SRPK1: variants seen among roughly 807,000 people sequenced by gnomAD.
The protein encoded by SRPK1 is SRSF protein kinase 1, also known as SFRS protein kinase 1.
Under a neutral mutation model 89.5 loss-of-function variants are expected in SRPK1, and 52 were observed. The observed-to-expected ratio is 0.58, with a 90% CI of 0.46 to 0.73. The LOEUF is 0.73. Ranked by LOEUF, SRPK1 falls within the 30% of genes least tolerant of loss-of-function variation. SRPK1 has a pLI of 0.00. For synonymous variants in SRPK1, 255 were observed against 270.2 expected, an observed-to-expected ratio of 0.94 and a Z score of 0.55; for missense variants, 603 against 780.6, an observed-to-expected ratio of 0.77 and a Z score of 2.71.
rs572561366 is a variant in SRPK1, at chr6:35,892,608, C to T, written c.75-1595G>A. Among the ~76,000 whole-genome samples, 8 of 151,830 alleles carry T rather than the reference C, an allele frequency of 5.3e-5. No homozygotes were observed. In the East Asian group the frequency reaches 1.2e-3, roughly 22 times the overall value. The stretch of plus-strand genomic sequence containing the variant: ...CAAAGGTTACAGTGAGCCGAAATCG[C>T]GTCGTTGCACTCCACCCTGGGCAAC... On this transcript the variant is annotated intron_variant, in intron 2 of 15. Coordinates refer to ENST00000373825, the MANE Select transcript of SRPK1 (RefSeq NM_003137.5).
intron 2 of SRPK1, among the ~76,000 whole-genome samples, chr6:35,915,921 G>A (rs918903230): frequency 8.4e-5 from 12 of 142,672 alleles, no homozygotes; most frequent in Non-Finnish European, 1.5e-4. Context: ...GCAGAGAGCC[G>A]AGATTGCACC....
intron 2 of SRPK1, among the ~76,000 whole-genome samples, chr6:35,894,945 AG>A (rs996036744): frequency 1.3e-5 from 2 of 152,188 alleles, no homozygotes; most frequent in Admixed American, 6.5e-5. Flanking sequence ...AGAGCCAAAA[AG>A]GAAGTTCCAA....
At chr6:35,843,115 C>T (rs1038572901) in intron 13 of SRPK1, among the ~76,000 whole-genome samples, 5 of 151,306 alleles carry the variant, frequency 3.3e-5, no homozygotes, top group Non-Finnish European at 7.4e-5. Context: ...ACTACAGGTG[C>T]CCACCACCAC....
At chr6:35,876,449 G>T (rs1390656202) in intron 6 of SRPK1, among the ~76,000 whole-genome samples, 1 of 152,070 alleles carries the variant, frequency 6.6e-6, no homozygotes, top group Non-Finnish European at 1.5e-5. Context: ...AGACCAGCCT[G>T]GGCAACAAGG....
At chr6:35,868,905 G>T in intron 12 of SRPK1, 105 bp downstream of exon 12, 2 of 808,614 alleles carry the variant, frequency 2.5e-6, no homozygotes, top group South Asian at 1.9e-5. Flanking sequence ...CTGAAGTGTT[G>T]TATCAATCTG....
At position 35,855,303 on chromosome 6, in the gene SRPK1, G is replaced by GA. The variant is rs1299003057; in HGVS notation, c.1620+1957dup. Reference sequence around the variant, plus strand: ...GGTGACAGAGCAAGACTCCATCTCAGAAAAAAAAAACAAACAAAAACCCAA... The same window carrying GA: ...GGTGACAGAGCAAGACTCCATCTCAGAAAAAAAAAAACAAACAAAAACCCAA... On this transcript the variant is annotated intron_variant, in intron 13 of 15. Coordinates refer to ENST00000373825, the MANE Select transcript of SRPK1 (RefSeq NM_003137.5). 2.8e-3 allele frequency among the ~76,000 whole-genome samples: 404 copies of GA among 145,082 alleles called. 2 individuals carry two copies. Among genetic ancestry groups the GA allele is most frequent in the African/African-American group, 8.4e-3 (334 of 39,588 alleles).
In SRPK1 at chr6:35,834,027, A is replaced by G. The variant is rs1769120153; in HGVS notation, c.*1277T>C. ...AGGCTCATCCTAAAAAAAAAATTGCAAAGTCTTTTCTCAATTAAAACAAAA... is the reference window on the plus strand; with the variant it reads ...AGGCTCATCCTAAAAAAAAAATTGCGAAGTCTTTTCTCAATTAAAACAAAA... On this transcript the variant is annotated 3_prime_UTR_variant, in exon 16 of 16. Transcript: ENST00000373825. 1 of 152,598 alleles carries G rather than the reference A, an allele frequency of 6.6e-6. No individual in the cohort carries two copies. Among genetic ancestry groups the G allele is most frequent in the Non-Finnish European group, 1.5e-5 (1 of 68,032 alleles). 9.5% of individuals were successfully genotyped at this position (152,598 alleles called of 1,614,324 possible).
chr6:35,902,918 T>TCTGATCAAATTGCTAA (rs1211243805), intron 2 of SRPK1, among the ~76,000 whole-genome samples: 2 of 152,174 alleles, frequency 1.3e-5, no homozygotes, highest in Non-Finnish European at 2.9e-5. Context: ...ACCTGGCATC[T>TCTGATCAAATTGCTAA]CTGATCAAAT....
intron 13 of SRPK1, among the ~76,000 whole-genome samples, chr6:35,844,302 C>G (rs1561967079): frequency 6.6e-6 from 1 of 152,128 alleles, no homozygotes. Flanking sequence ...CACGCCTGGC[C>G]AACAGCAGTT....
chr6:35,911,704 C>A (rs923400839), intron 2 of SRPK1, among the ~76,000 whole-genome samples: 1 of 151,868 alleles, frequency 6.6e-6, no homozygotes, highest in East Asian at 2.0e-4. Flanking sequence ...TAGCTAGGAC[C>A]ACAGGTGCAT....
At chr6:35,883,609 ATAG>A (rs1770343274) in intron 6 of SRPK1, among the ~76,000 whole-genome samples, 1 of 152,188 alleles carries the variant, frequency 6.6e-6, no homozygotes, top group Admixed American at 6.5e-5. Context: ...GACCAAACAT[ATAG>A]TAGCTTAAAA....
At chr6:35,882,208 A>G (rs9470155) in intron 6 of SRPK1, among the ~76,000 whole-genome samples, 47,411 of 150,740 alleles carry the variant, frequency 0.31, 7,721 homozygotes, top group South Asian at 0.42. Context: ...AATAAAGCAC[A>G]AGACATTTGG....
intron 15 of SRPK1, among the ~76,000 whole-genome samples, chr6:35,836,751 T>C (rs1055226345): frequency 1.7e-5 from 2 of 120,548 alleles, no homozygotes; most frequent in Admixed American, 8.6e-5. Flanking sequence ...TGATACCCTG[T>C]CTCAATAATA....
At position 35,921,096 on chromosome 6, in the gene SRPK1, G is replaced by C; in HGVS notation, c.-40C>G. 6.8e-7 allele frequency: 1 copy of C among 1,470,780 alleles called. No homozygotes were observed. The highest frequency in any genetic ancestry group is 9.0e-7 in the Non-Finnish European group (1 of 1,105,346). The allele number at this position is 1,470,780 out of a possible 1,614,324, so 91.1% of individuals were successfully genotyped here. ...TCGCCAGGCGCCTGCGCACTCGAGT[G>C]GCGGCGACTCCCGCTCCCGCCGCGG... is the stretch of plus-strand genomic sequence containing the variant. On this transcript the variant is annotated 5_prime_UTR_variant, in exon 1 of 16. Transcript: ENST00000373825.
rs930186247 is a variant in SRPK1, at chr6:35,834,854, T to C, written c.*450A>G. 6.5e-6 allele frequency: 1 copy of C among 152,816 alleles called. No homozygotes were observed. Among genetic ancestry groups the C allele is most frequent in the African/African-American group, 2.4e-5 (1 of 41,466 alleles). 9.5% of individuals were successfully genotyped at this position (152,816 alleles called of 1,614,324 possible). ...TGCAGCCCGGACACAGCAAGTTTAA[T>C]GTCTCTGCTGTACATAGAATTAAGA... is the stretch of plus-strand genomic sequence containing the variant. On this transcript the variant is annotated 3_prime_UTR_variant, in exon 16 of 16. Coordinates refer to ENST00000373825, the MANE Select transcript of SRPK1 (RefSeq NM_003137.5).
At chr6:35,855,029 C>T (rs1057298007) in intron 13 of SRPK1, among the ~76,000 whole-genome samples, 1 of 152,126 alleles carries the variant, frequency 6.6e-6, no homozygotes, top group African/African-American at 2.4e-5. Context: ...GGGCCCAGCG[C>T]GGTGGCTCAC....
At chr6:35,912,931 G>A (rs549966073) in intron 2 of SRPK1, among the ~76,000 whole-genome samples, 7 of 152,232 alleles carry the variant, frequency 4.6e-5, no homozygotes, top group African/African-American at 7.2e-5. Context: ...CTACAGGCAC[G>A]TGCCACCACA....
chr6:35,872,572 C>T lies in SRPK1; in HGVS notation c.742G>A (p.Gly248Arg), dbSNP rs184806596. 7.9e-4 allele frequency: 1,256 copies of T among 1,598,914 alleles called. 1 individual carries two copies. Among genetic ancestry groups the T allele is most frequent in the Non-Finnish European group, 7.9e-4 (927 of 1,174,476 alleles). ...CTAAAAGAAAATACACCTGCAGATC[C>T]GGAAGGCGGAGGAGCTCCAGATCGC... ...WQRSGAPPPS[G>R]SAVSTAPQPK... The change falls in exon 8 of 16, where the codon GGA becomes AGA. Residue 248 changes from glycine to arginine, a missense_variant. Transcript: ENST00000373825.
chr6:35,909,725 T>G (rs1440693103), intron 2 of SRPK1, among the ~76,000 whole-genome samples: 2 of 152,230 alleles, frequency 1.3e-5, no homozygotes, highest in African/African-American at 2.4e-5. Context: ...GTTCTCATGA[T>G]AGTTCTCACG....
Sources: gnomAD v4.1 joint callset for allele counts (sites outside exome capture counted in the v4.1 genomes callset) on GRCh38, gnomAD v4.1.1 for gene constraint, MANE v1.5 for transcripts, NCBI Gene and HGNC (gene_info 2026-07-23, HGNC 2026-07-21) for gene names.